STK39: variants seen among roughly 807,000 people sequenced by gnomAD.
STK39 encodes the protein serine/threonine kinase 39, also known as STE20/SPS1-related proline-alanine-rich protein kinase.
A neutral mutation model predicts 77.8 loss-of-function variants in STK39; 20 were observed. That is an observed-to-expected ratio of 0.26 (90% CI 0.18 to 0.37). The LOEUF is 0.37. STK39 is among the 10% of genes least tolerant of loss of function. STK39 has a pLI of 1.00. For missense variants in STK39, 479 were observed against 656.5 expected (o/e 0.73, Z 2.95); for synonymous variants, 246 against 234.1 (o/e 1.05, Z -0.47).
chr2:167,988,698 G>A (rs1416471477), intron 16 of STK39, among the ~76,000 whole-genome samples: 1 of 152,148 alleles, frequency 6.6e-6, no homozygotes, highest in African/African-American at 2.4e-5. Flanking sequence ...TGATAGAGCT[G>A]ATTTAGTTTA....
intron 14 of STK39, among the ~76,000 whole-genome samples, chr2:168,040,629 A>C (rs1474517631): frequency 6.6e-6 from 1 of 152,212 alleles, no homozygotes; most frequent in African/African-American, 2.4e-5. Context: ...TTCACCTAGA[A>C]TTTTAAGTGA....
intron 16 of STK39, among the ~76,000 whole-genome samples, chr2:168,006,264 G>A (rs1684131100): frequency 6.6e-6 from 1 of 152,186 alleles, no homozygotes; most frequent in Admixed American, 6.5e-5. Context: ...CTTTGTAGGA[G>A]TCGGTAAGCA....
At chr2:168,151,738 CAAAA>C (rs146231233) in intron 5 of STK39, among the ~76,000 whole-genome samples, 4 of 111,496 alleles carry the variant, frequency 3.6e-5, no homozygotes, top group African/African-American at 3.0e-5. Context: ...GACTCGGTCT[CAAAA>C]AAAAAAAAAA....
chr2:168,076,148 G>A (rs11888020), intron 10 of STK39, among the ~76,000 whole-genome samples: 3,043 of 152,308 alleles, frequency 0.02, 108 homozygotes, highest in African/African-American at 0.07. Context: ...CAAGGATTCA[G>A]AGAAACTTCG....
chr2:168,113,104 T>C (rs1378949711), intron 10 of STK39: 6 of 152,206 alleles, frequency 3.9e-5, no homozygotes, highest in Admixed American at 3.9e-4. Flanking sequence ...TTCTCCATTG[T>C]CTAAATAGAA....
intron 10 of STK39, among the ~76,000 whole-genome samples, chr2:168,123,042 T>A (rs893466284): frequency 6.6e-5 from 10 of 152,220 alleles, no homozygotes; most frequent in African/African-American, 2.4e-4. Flanking sequence ...ACCATGTGCC[T>A]CTTAATATGA....
At position 167,955,270 on chromosome 2, in the gene STK39, T is replaced by C. The variant is rs201350597; in HGVS notation, c.*226A>G. On this transcript the variant is annotated 3_prime_UTR_variant, in exon 18 of 18. Coordinates refer to ENST00000355999, the MANE Select transcript of STK39 (RefSeq NM_013233.3). The stretch of plus-strand genomic sequence containing the variant: ...GTGCAGCTGTGGCATTTGCTTGTTC[T>C]TGTACTGTGGATTGCTAGAGAATAA... 5.0e-5 allele frequency: 22 copies of C among 440,808 alleles called. No homozygotes were observed. The highest frequency in any genetic ancestry group is 7.8e-5 in the Non-Finnish European group (19 of 243,820). 27.3% of individuals were successfully genotyped at this position (440,808 alleles called of 1,614,324 possible).
chr2:168,102,505 T>C (rs771678420), intron 10 of STK39, among the ~76,000 whole-genome samples: 9 of 152,210 alleles, frequency 5.9e-5, no homozygotes, highest in African/African-American at 9.7e-5. Flanking sequence ...CATATGCAGA[T>C]TCTGCACTCT....
intron 13 of STK39, 69 bp from the exon 14 acceptor site, chr2:168,063,639 C>T: frequency 7.2e-7 from 1 of 1,392,402 alleles, no homozygotes; most frequent in Non-Finnish European, 1.0e-6. Flanking sequence ...ATCACAATAT[C>T]ACTTGATTCA....
Position 168,016,583 on chromosome 2 carries a change from C to G in STK39, c.1429+460G>C, listed in dbSNP as rs564637623. ...GGACCAGCTATCAAGCTAGAAAGTTCTTGTACTTCAGAGTTTTCAAAATTT... is the reference window on the plus strand; with the variant it reads ...GGACCAGCTATCAAGCTAGAAAGTTGTTGTACTTCAGAGTTTTCAAAATTT... On this transcript the variant is annotated intron_variant, in intron 15 of 17. Coordinates refer to ENST00000355999, the MANE Select transcript of STK39 (RefSeq NM_013233.3). Among the ~76,000 whole-genome samples the G allele has an allele frequency of 2.6e-4, 40 of 152,236 alleles. 2 individuals are homozygous for G. In the South Asian group the frequency reaches 8.1e-3, roughly 31 times the overall value.
chr2:168,159,323 C>T (rs150786936), intron 5 of STK39, among the ~76,000 whole-genome samples: 1 of 151,988 alleles, frequency 6.6e-6, no homozygotes, highest in Non-Finnish European at 1.5e-5. Context: ...AAAAAGGGAC[C>T]GTCTCACCCC....
intron 1 of STK39, among the ~76,000 whole-genome samples, chr2:168,219,869 C>CA (rs1553543826): frequency 3.5e-5 from 3 of 86,612 alleles, no homozygotes; most frequent in Non-Finnish European, 1.0e-4. Flanking sequence ...ACTTTTCTTG[C>CA]TTTTTTTTTT....
chr2:168,200,689 T>G (rs200981156), intron 1 of STK39, among the ~76,000 whole-genome samples: 2 of 1,332 alleles, frequency 1.5e-3, no homozygotes, highest in Non-Finnish European at 0.048. Flanking sequence ...AACATAAAAA[T>G]AAAATAAAAT....
intron 14 of STK39, among the ~76,000 whole-genome samples, chr2:168,045,352 A>T (rs1307503219): frequency 6.7e-6 from 1 of 150,328 alleles, no homozygotes; most frequent in African/African-American, 2.5e-5. Flanking sequence ...CCCCTGCCTC[A>T]CCCACCCCCA....
intron 10 of STK39, chr2:168,112,934 C>A (rs191805609): frequency 8.8e-4 from 134 of 152,318 alleles, no homozygotes; most frequent in Non-Finnish European, 9.6e-4. Context: ...CCAGTGTGCT[C>A]TGGCCACTGG....
At chr2:167,995,212 C>G (rs1276606197) in intron 16 of STK39, among the ~76,000 whole-genome samples, 1 of 151,858 alleles carries the variant, frequency 6.6e-6, no homozygotes, top group East Asian at 1.9e-4. Flanking sequence ...CGGGTTCAAG[C>G]GATTCTCCTG....
intron 2 of STK39, among the ~76,000 whole-genome samples, chr2:168,171,273 T>C (rs1688816439): frequency 6.6e-6 from 1 of 152,096 alleles, no homozygotes. Context: ...CAGGGAGCCA[T>C]GTGCAAGAAA....
At chr2:168,050,284 A>C (rs1685360147) in intron 14 of STK39, among the ~76,000 whole-genome samples, 1 of 152,234 alleles carries the variant, frequency 6.6e-6, no homozygotes. Flanking sequence ...AGCAAGCATA[A>C]TAAAAATTAG....
chr2:168,007,331 G>T (rs1476933282), intron 16 of STK39, among the ~76,000 whole-genome samples: 2 of 152,024 alleles, frequency 1.3e-5, no homozygotes, highest in Non-Finnish European at 2.9e-5. Context: ...TGTTTCTAAA[G>T]TAAATGTTAC....
Sources: gnomAD v4.1 joint callset for allele counts (sites outside exome capture counted in the v4.1 genomes callset) on GRCh38, gnomAD v4.1.1 for gene constraint, MANE v1.5 for transcripts, NCBI Gene and HGNC (gene_info 2026-07-23, HGNC 2026-07-21) for gene names.